The following TENT2 variants were observed in gnomAD, a reference collection of about 807,000 sequenced individuals.
The protein encoded by TENT2 is poly(A) RNA polymerase GLD2.
In TENT2, 44 loss-of-function variants were observed where a neutral mutation model predicts 72.2. The ratio of observed to expected loss-of-function variants is 0.61; its 90% CI spans 0.48 to 0.78. The LOEUF is 0.78. Ranked by LOEUF, TENT2 falls within the 30% of genes least tolerant of loss-of-function variation. The probability of loss-of-function intolerance (pLI) is 0.00; values close to 1 mark genes in which losing one functional copy is unlikely to be tolerated. For synonymous variants in TENT2, 212 were observed against 192.5 expected (o/e 1.10, Z -0.84); for missense variants, 541 against 569.6 (o/e 0.95, Z 0.51).
chr5:79,641,239 A>G, intron 6 of TENT2, 43 bp downstream of exon 6: 2 of 1,465,858 alleles, frequency 1.4e-6, no homozygotes, highest in Non-Finnish European at 1.8e-6. Context: ...TCTCATGTTA[A>G]TGAGTTAAGA....
At chr5:79,617,831 T>A (rs201853397) in intron 1 of TENT2, among the ~76,000 whole-genome samples, 1 of 152,358 alleles carries the variant, frequency 6.6e-6, no homozygotes, top group East Asian at 1.9e-4. Flanking sequence ...TCTTGCCGTT[T>A]GTTTATAACA....
chr5:79,675,002 A>G (rs1001461117), intron 12 of TENT2, among the ~76,000 whole-genome samples: 1 of 152,178 alleles, frequency 6.6e-6, no homozygotes, highest in African/African-American at 2.4e-5. Flanking sequence ...AATGGGGATA[A>G]AAAGCATAGC....
At chr5:79,616,189 ATTTTTTTT>A (rs1229523040) in intron 1 of TENT2, among the ~76,000 whole-genome samples, 1 of 88,132 alleles carries the variant, frequency 1.1e-5, no homozygotes, top group Non-Finnish European at 2.1e-5. Flanking sequence ...ACCCGGCCTA[ATTTTTTTT>A]TTTTTTTTTT....
At chr5:79,640,652 T>C (rs192645286) in intron 4 of TENT2, among the ~76,000 whole-genome samples, 199 bp from the exon 5 acceptor site, 32 of 152,356 alleles carry the variant, frequency 2.1e-4, no homozygotes, top group South Asian at 8.3e-4. Flanking sequence ...TATTTTACTT[T>C]GTAAAATTTA....
chr5:79,653,094 A>G (rs1795395427), intron 10 of TENT2, among the ~76,000 whole-genome samples: 1 of 152,162 alleles, frequency 6.6e-6, no homozygotes, highest in African/African-American at 2.4e-5. Context: ...CTTAATTCTT[A>G]CTGGTTACCT....
intron 8 of TENT2, among the ~76,000 whole-genome samples, chr5:79,647,712 T>A (rs907087850): frequency 3.3e-5 from 5 of 152,110 alleles, no homozygotes; most frequent in Non-Finnish European, 7.4e-5. Flanking sequence ...ACAGAAAAAA[T>A]TAGTATTTAG....
intron 1 of TENT2, among the ~76,000 whole-genome samples, chr5:79,615,666 C>T (rs970869604): frequency 3.3e-5 from 5 of 151,040 alleles, no homozygotes; most frequent in Non-Finnish European, 7.4e-5. Context: ...GAAAAGTGTT[C>T]GTTGCCAGTC....
At chr5:79,669,458 A>T (rs1811162525) in intron 12 of TENT2, among the ~76,000 whole-genome samples, 1 of 152,242 alleles carries the variant, frequency 6.6e-6, no homozygotes, top group East Asian at 1.9e-4. Context: ...AGTGTGATAT[A>T]CAAATTGAGG....
At chr5:79,629,702 C>T (rs1312322127) in intron 4 of TENT2, among the ~76,000 whole-genome samples, 1 of 151,626 alleles carries the variant, frequency 6.6e-6, no homozygotes, top group East Asian at 2.0e-4. Context: ...TGGCGGGTGC[C>T]TGTAGTCCCA....
intron 8 of TENT2, among the ~76,000 whole-genome samples, chr5:79,648,079 A>G (rs955158716): frequency 6.6e-5 from 10 of 152,178 alleles, no homozygotes; most frequent in African/African-American, 2.4e-4. Context: ...AGAGTGTATA[A>G]CTTAATGGGA....
chr5:79,643,581 T>G (rs1786175711), intron 7 of TENT2, among the ~76,000 whole-genome samples: 1 of 152,188 alleles, frequency 6.6e-6, no homozygotes, highest in African/African-American at 2.4e-5. Flanking sequence ...TGTGCCAGGC[T>G]TTGAGCTGGA....
At chr5:79,617,730 A>G (rs770037474) in intron 1 of TENT2, 3 of 152,166 alleles carry the variant, frequency 2.0e-5, no homozygotes, top group Non-Finnish European at 4.4e-5. Flanking sequence ...ACAGCTAGGT[A>G]TAGAATTACA....
chr5:79,627,114 A>C (rs1370588473), intron 4 of TENT2, among the ~76,000 whole-genome samples: 1 of 143,928 alleles, frequency 6.9e-6, no homozygotes, highest in Non-Finnish European at 1.5e-5. Context: ...TGGGCGACAG[A>C]GTGAGACTCC....
At chr5:79,679,308 A>G (rs1209546290) in intron 12 of TENT2, among the ~76,000 whole-genome samples, 1 of 152,216 alleles carries the variant, frequency 6.6e-6, no homozygotes, top group Non-Finnish European at 1.5e-5. Flanking sequence ...AGAAATATCC[A>G]GTATCTTGGA....
At chr5:79,637,554 G>A (rs998080960) in intron 4 of TENT2, among the ~76,000 whole-genome samples, 1 of 152,020 alleles carries the variant, frequency 6.6e-6, no homozygotes, top group Non-Finnish European at 1.5e-5. Flanking sequence ...AGCCTCCCTA[G>A]TAGCTGAGAC....
rs1033444506 is a variant in TENT2, at chr5:79,688,103, A to G, written c.*2830A>G. Among the ~76,000 whole-genome samples, 6 of 152,178 alleles carry G rather than the reference A, an allele frequency of 3.9e-5. No homozygotes were observed. Among genetic ancestry groups the G allele is most frequent in the African/African-American group, 1.2e-4 (5 of 41,432 alleles). On this transcript the variant is annotated 3_prime_UTR_variant, in exon 15 of 15. Coordinates refer to ENST00000453514, the MANE Select transcript of TENT2 (RefSeq NM_001114394.3). ...GCTGATGTATCTGTACTGTAATTCA[A>G]TGATTTACAGTTCATTACCTCCAGA... is the stretch of plus-strand genomic sequence containing the variant.
rs578169479 is a variant in TENT2 at position 79,675,097 on chromosome 5, G to A, written c.1209-4482G>A. ...CATTCTCTAGAGCAGAAAAAAACAG[G>A]GTAAAATTAGAGTGTTAAGTGGAGT... On this transcript the variant is annotated intron_variant, in intron 12 of 14. Coordinates refer to ENST00000453514, the MANE Select transcript of TENT2 (RefSeq NM_001114394.3). Among the ~76,000 whole-genome samples the A allele has an allele frequency of 5.3e-5, 8 of 152,174 alleles. No homozygotes were observed. The South Asian group carries it at 1.7e-3, about 32-fold the overall frequency.
chr5:79,668,377 GAAAGCAAA>G (rs1810211517), intron 11 of TENT2, among the ~76,000 whole-genome samples: 1 of 151,878 alleles, frequency 6.6e-6, no homozygotes, highest in South Asian at 2.1e-4. Context: ...AGAAACAAAA[GAAAGCAAA>G]ATTTATAAAA....
Position 79,669,016 on chromosome 5 carries a change from C to G in TENT2, c.1196C>G (p.Ala399Gly). Residue 399 changes from alanine to glycine, a missense_variant, in exon 12 of 15, where the codon GCT (alanine) becomes GGT (glycine). By Grantham distance (60) the Ala-to-Gly change is moderately conservative. Coordinates refer to ENST00000453514, the MANE Select transcript of TENT2 (RefSeq NM_001114394.3). Reference sequence around the variant, plus strand: ...TTACTGGGCTTTCTTAAATATTATGCTACAGAATTTGAGTAAGTAAAACTT... The same window carrying G: ...TTACTGGGCTTTCTTAAATATTATGGTACAGAATTTGAGTAAGTAAAACTT... ...DLLLGFLKYYATEFDWNSQMI... is the reference protein window; with the variant it reads ...DLLLGFLKYYGTEFDWNSQMI... 1 of 1,613,508 alleles carries G rather than the reference C, an allele frequency of 6.2e-7. No homozygotes were observed. Among genetic ancestry groups the G allele is most frequent in the Non-Finnish European group, 8.5e-7 (1 of 1,179,732 alleles).
Sources: allele counts gnomAD v4.1 joint callset (sites outside exome capture counted in the v4.1 genomes callset), GRCh38; gene constraint gnomAD v4.1.1; transcripts MANE v1.5; gene names NCBI Gene and HGNC (gene_info 2026-07-23, HGNC 2026-07-21).